ACYP2: variants seen among roughly 807,000 people sequenced by gnomAD.
ACYP2 encodes the protein acylphosphatase 2.
Under a neutral mutation model 11.2 loss-of-function variants are expected in ACYP2, and 12 were observed. That is an observed-to-expected ratio of 1.08 (90% CI 0.69 to 1.74). ACYP2 has a LOEUF of 1.74. Among genes scored for constraint, ACYP2 ranks in the 40% most tolerant of loss-of-function variants. ACYP2 has a pLI of 0.00. For missense variants in ACYP2, 134 were observed against 101.9 expected (o/e 1.31, Z -1.35); for synonymous variants, 43 against 32.2 (o/e 1.33, Z -1.13).
intron 6 of ACYP2, among the ~76,000 whole-genome samples, chr2:54,178,112 G>T (rs1683545801): frequency 6.6e-6 from 1 of 151,976 alleles, no homozygotes; most frequent in Non-Finnish European, 1.5e-5. Context: ...CATCATGTTG[G>T]CCAGGCTGGT....
intron 6 of ACYP2, among the ~76,000 whole-genome samples, chr2:54,267,602 A>C (rs539399973): frequency 6.6e-6 from 1 of 152,214 alleles, no homozygotes; most frequent in African/African-American, 2.4e-5. Context: ...TTTAAAGATC[A>C]TTCTGGAAAA....
chr2:54,256,185 C>CA (rs776123153), intron 6 of ACYP2: 1 of 1,580,712 alleles, frequency 6.3e-7, no homozygotes, highest in South Asian at 1.2e-5. Flanking sequence ...TGGGTAGAGG[C>CA]CAGGCCAGAG....
At chr2:54,266,550 A>G (rs1267742686) in intron 6 of ACYP2, among the ~76,000 whole-genome samples, 2 of 134,964 alleles carry the variant, frequency 1.5e-5, no homozygotes, top group Non-Finnish European at 3.2e-5. Flanking sequence ...ATATAGCTAG[A>G]TAAAGATAGA....
chr2:54,105,457 C>A (rs1302510819), intron 4 of ACYP2, among the ~76,000 whole-genome samples: 1 of 152,050 alleles, frequency 6.6e-6, no homozygotes, highest in South Asian at 2.1e-4. Flanking sequence ...AATCTACCCC[C>A]ATCTCTAAAT....
At chr2:54,068,010 G>C (rs1472240995) in intron 4 of ACYP2, among the ~76,000 whole-genome samples, 1 of 152,184 alleles carries the variant, frequency 6.6e-6, no homozygotes, top group African/African-American at 2.4e-5. Context: ...TTAATGTGGC[G>C]TTTGACTTTA....
intron 4 of ACYP2, among the ~76,000 whole-genome samples, chr2:54,131,644 T>A (rs1004026998): frequency 2.6e-5 from 4 of 152,182 alleles, no homozygotes; most frequent in Non-Finnish European, 5.9e-5. Context: ...TGCAAATACA[T>A]GAGTTATTAC....
At chr2:54,053,833 C>G (rs990203908) in intron 3 of ACYP2, among the ~76,000 whole-genome samples, 1 of 152,186 alleles carries the variant, frequency 6.6e-6, no homozygotes, top group African/African-American at 2.4e-5. Context: ...TTAAACATCC[C>G]TGTTTAAATT....
At chr2:54,138,843 A>G in intron 6 of ACYP2, 95 bp downstream of exon 3, 1 of 971,302 alleles carries the variant, frequency 1.0e-6, no homozygotes, top group Non-Finnish European at 1.6e-6. Context: ...CCCAGGTTGG[A>G]GTGCAGTGGC....
At chr2:54,109,893 C>G (rs1209224991) in intron 4 of ACYP2, among the ~76,000 whole-genome samples, 2 of 152,052 alleles carry the variant, frequency 1.3e-5, no homozygotes, top group Non-Finnish European at 2.9e-5. Flanking sequence ...TCATTATTAA[C>G]TAAAGTTTGT....
chr2:54,260,611 C>G (rs1383741712), intron 6 of ACYP2, among the ~76,000 whole-genome samples: 3 of 152,204 alleles, frequency 2.0e-5, no homozygotes, highest in East Asian at 1.9e-4. Context: ...TTGGAAGATT[C>G]AGGGTACTGA....
intron 4 of ACYP2, among the ~76,000 whole-genome samples, chr2:54,123,709 C>G (rs543156927): frequency 6.6e-6 from 1 of 152,034 alleles, no homozygotes; most frequent in Admixed American, 6.6e-5. Flanking sequence ...TGGCCTCTCC[C>G]TCAAGATTTC....
chr2:54,244,772 A>G (rs1258464736), intron 6 of ACYP2, among the ~76,000 whole-genome samples: 1 of 151,946 alleles, frequency 6.6e-6, no homozygotes, highest in Non-Finnish European at 1.5e-5. Context: ...TTGACACATA[A>G]TAATTGTACA....
At chr2:54,216,494 A>G (rs1313676431) in intron 6 of ACYP2, among the ~76,000 whole-genome samples, 1 of 151,986 alleles carries the variant, frequency 6.6e-6, no homozygotes, top group South Asian at 2.1e-4. Flanking sequence ...AATATAAAAT[A>G]TATCTCTATT....
intron 4 of ACYP2, chr2:54,080,162 C>G: frequency 5.5e-6 from 1 of 183,092 alleles, no homozygotes; most frequent in Non-Finnish European, 1.2e-5. Flanking sequence ...TAGAAATGTC[C>G]CTAACAACTG....
At chr2:53,985,804 G>C (rs1431216076) in intron 2 of ACYP2, among the ~76,000 whole-genome samples, 2 of 152,086 alleles carry the variant, frequency 1.3e-5, no homozygotes, top group African/African-American at 2.4e-5. Flanking sequence ...GGCTCTATTT[G>C]TTCCCATGAG....
intron 4 of ACYP2, among the ~76,000 whole-genome samples, chr2:54,073,099 T>A (rs1248071309): frequency 6.6e-6 from 1 of 152,212 alleles, no homozygotes; most frequent in Non-Finnish European, 1.5e-5. Flanking sequence ...TACAGTCAAT[T>A]GATTTTTTGA....
intron 6 of ACYP2, among the ~76,000 whole-genome samples, chr2:54,214,203 T>C: frequency 6.6e-6 from 1 of 152,228 alleles, no homozygotes; most frequent in East Asian, 1.9e-4. Flanking sequence ...CTGTTTACTC[T>C]GCTGATAGTT....
intron 4 of ACYP2, among the ~76,000 whole-genome samples, chr2:54,100,624 T>C (rs1678842883): frequency 6.6e-6 from 1 of 152,140 alleles, no homozygotes; most frequent in Admixed American, 6.5e-5. Flanking sequence ...CCTCCTTTTT[T>C]AATACTCTAC....
chr2:54,166,315 A>G (rs1260747671), intron 6 of ACYP2, among the ~76,000 whole-genome samples: 1 of 152,184 alleles, frequency 6.6e-6, no homozygotes, highest in Non-Finnish European at 1.5e-5. Flanking sequence ...TGTCAGGCAG[A>G]GTGTTGGGAA....
Sources: allele counts gnomAD v4.1 joint callset (sites outside exome capture counted in the v4.1 genomes callset), GRCh38; gene constraint gnomAD v4.1.1; transcripts MANE v1.5; gene names NCBI Gene and HGNC (gene_info 2026-07-23, HGNC 2026-07-21).